Variants in NUB1 observed in about 807,000 individuals in gnomAD.
NUB1 encodes negative regulator of ubiquitin like proteins 1, also known as NEDD8 ultimate buster 1.
Under a neutral mutation model 77.1 loss-of-function variants are expected in NUB1, and 41 were observed. The observed-to-expected ratio is 0.53, with a 90% confidence interval of 0.41 to 0.69. The LOEUF (loss-of-function observed/expected upper bound fraction) is 0.69. Ranked by LOEUF, NUB1 falls within the 30% of genes least tolerant of loss-of-function variation. The pLI is 0.00. For synonymous variants in NUB1, 257 were observed against 281.0 expected, an observed-to-expected ratio of 0.91 and a Z score of 0.85; for missense variants, 643 against 743.8, an observed-to-expected ratio of 0.86 and a Z score of 1.58.
intron 11 of NUB1, 26 bp downstream of exon 11, chr7:151,368,913 C>T: frequency 6.3e-7 from 1 of 1,582,958 alleles, no homozygotes; most frequent in Non-Finnish European, 8.6e-7. Context: ...TGCCCTAGCT[C>T]TCTTGGGTAT....
chr7:151,357,519 T>C (rs1313067090), intron 7 of NUB1, among the ~76,000 whole-genome samples: 1 of 152,226 alleles, frequency 6.6e-6, no homozygotes, highest in East Asian at 1.9e-4. Flanking sequence ...TGACTATGGG[T>C]CAAATTAATT....
chr7:151,347,671 G>A (rs114624838), intron 2 of NUB1, among the ~76,000 whole-genome samples: 2,425 of 152,278 alleles, frequency 0.016, 79 homozygotes, highest in African/African-American at 0.056. Flanking sequence ...TGTTGCCCAG[G>A]TTGGTCTTGA....
chr7:151,363,776 A>T (rs1797499986), intron 8 of NUB1, among the ~76,000 whole-genome samples: 1 of 151,948 alleles, frequency 6.6e-6, no homozygotes, highest in Non-Finnish European at 1.5e-5. Flanking sequence ...AGTTTGGCTT[A>T]TTTTTTTATT....
At chr7:151,369,088 A>G (rs1321870278) in intron 11 of NUB1, 1 of 458,216 alleles carries the variant, frequency 2.2e-6, no homozygotes, top group Non-Finnish European at 3.7e-6. Context: ...GCTCACTGCA[A>G]GCTCCGCCTC....
At chr7:151,345,953 A>G (rs1489082308) in intron 2 of NUB1, among the ~76,000 whole-genome samples, 1 of 152,206 alleles carries the variant, frequency 6.6e-6, no homozygotes, top group East Asian at 1.9e-4. Context: ...TGGCATCATC[A>G]GAAATGATAT....
chr7:151,353,729 C>T (rs904624982), intron 5 of NUB1, among the ~76,000 whole-genome samples: 6 of 152,204 alleles, frequency 3.9e-5, no homozygotes, highest in African/African-American at 1.4e-4. Flanking sequence ...GACCAGTTAG[C>T]TACTGCAGCC....
intron 5 of NUB1, among the ~76,000 whole-genome samples, chr7:151,353,438 G>A (rs1796911046): frequency 6.6e-6 from 1 of 152,188 alleles, no homozygotes; most frequent in Non-Finnish European, 1.5e-5. Context: ...GGTGACGGGG[G>A]AGGTTGTGCT....
intron 14 of NUB1, 79 bp from the exon 15 acceptor site, chr7:151,376,968 C>T: frequency 7.0e-7 from 1 of 1,424,744 alleles, no homozygotes; most frequent in African/African-American, 1.4e-5. Context: ...GAGGCACAGT[C>T]TGAGGTTGAC....
At chr7:151,361,864 CA>C (rs1797396287) in intron 8 of NUB1, among the ~76,000 whole-genome samples, 2 of 152,134 alleles carry the variant, frequency 1.3e-5, no homozygotes, top group South Asian at 4.1e-4. Flanking sequence ...CTTCTGCAAA[CA>C]GTGTAGGGTA....
chr7:151,356,163 T>G lies in NUB1; in HGVS notation c.634T>G (p.Tyr212Asp). ...AGTGGTGGATCCAGAAATGACACCG[T>G]ACTTAGACATAGCTAACCAGACAGG... ...ETVVDPEMTP[Y>D]LDIANQTGRS... The change falls in exon 7 of 15, where the codon TAC (tyrosine) becomes GAC (aspartate). Residue 212 changes from tyrosine (Y) to aspartate (D), a missense_variant. Coordinates refer to ENST00000568733, the MANE Select transcript of NUB1 (RefSeq NM_001243351.2). 6.2e-7 allele frequency: 1 copy of G among 1,613,932 alleles called. No individual in the cohort carries two copies. Among genetic ancestry groups the G allele is most frequent in the South Asian group, 1.1e-5 (1 of 91,076 alleles).
At position 151,377,433 on chromosome 7, in the gene NUB1, C is replaced by T. The variant is rs904395659; in HGVS notation, c.*208C>T. On this transcript the variant is annotated 3_prime_UTR_variant, in exon 15 of 15. Coordinates refer to ENST00000568733, the MANE Select transcript of NUB1 (RefSeq NM_001243351.2). Reference sequence around the variant, plus strand: ...AAGCTTCCTCTGGCCTGGCGCAGGCCGTTCCATCTGCCTCCCAGGTCTGCG... The same window carrying T: ...AAGCTTCCTCTGGCCTGGCGCAGGCTGTTCCATCTGCCTCCCAGGTCTGCG... The T allele has an allele frequency of 3.1e-5, 13 of 417,524 alleles. No homozygotes were observed. The highest frequency in any genetic ancestry group is 4.3e-5 in the Non-Finnish European group (10 of 234,554). 25.9% of individuals were successfully genotyped at this position (417,524 alleles called of 1,614,324 possible).
intron 5 of NUB1, among the ~76,000 whole-genome samples, chr7:151,353,924 C>T (rs1376295925): frequency 6.6e-6 from 1 of 152,170 alleles, no homozygotes; most frequent in Non-Finnish European, 1.5e-5. Flanking sequence ...TTCACTGTTG[C>T]CTCATCCCTC....
At chr7:151,369,473 A>G (rs546427707) in intron 11 of NUB1, among the ~76,000 whole-genome samples, 1 of 152,320 alleles carries the variant, frequency 6.6e-6, no homozygotes, top group South Asian at 2.1e-4. Flanking sequence ...GGTCATTATT[A>G]AAGTTGGGGA....
intron 2 of NUB1, among the ~76,000 whole-genome samples, chr7:151,347,259 G>A (rs904720609): frequency 3.0e-4 from 45 of 151,990 alleles, no homozygotes; most frequent in Non-Finnish European, 1.5e-5. Flanking sequence ...ATGTATTGCT[G>A]GACACAGTGG....
chr7:151,352,221 A>C (rs1208195838), intron 4 of NUB1: 6 of 455,318 alleles, frequency 1.3e-5, no homozygotes, highest in Non-Finnish European at 2.7e-5. Context: ...CCGGATGTGC[A>C]ACTAGGGCTT....
At chr7:151,344,282 T>C (rs1297960489) in intron 1 of NUB1, among the ~76,000 whole-genome samples, 2 of 150,684 alleles carry the variant, frequency 1.3e-5, no homozygotes, top group Non-Finnish European at 2.9e-5. Context: ...TCTTTTTAAT[T>C]TAAAAAATTC....
chr7:151,367,151 T>C, intron 9 of NUB1, 26 bp downstream of exon 9: 1 of 1,562,380 alleles, frequency 6.4e-7, no homozygotes, highest in South Asian at 1.1e-5. Flanking sequence ...TCATCTTATG[T>C]CTCGTTGAGT....
chr7:151,366,375 G>C (rs1797683194), intron 8 of NUB1, among the ~76,000 whole-genome samples: 1 of 152,132 alleles, frequency 6.6e-6, no homozygotes, highest in South Asian at 2.1e-4. Context: ...ATAGTACGTA[G>C]GGATTTTTTT....
In NUB1 at chr7:151,377,065, C is replaced by T. The variant is rs1563034449; in HGVS notation, c.1688C>T (p.Thr563Ile). 1 of 1,561,276 alleles carries T rather than the reference C, an allele frequency of 6.4e-7. No homozygotes were observed. Among genetic ancestry groups the T allele is most frequent in the East Asian group, 2.3e-5 (1 of 43,314 alleles). ...SDSAGTSSAS[T>I]DEDMETEAVN... The stretch of plus-strand genomic sequence containing the variant: ...ATTGTAGGAACCTCTAGTGCCTCAA[C>T]AGACGAAGACATGGAGACAGAGGCC... Residue 563 changes from threonine to isoleucine, a missense_variant, in exon 15 of 15, where the codon ACA (threonine) becomes ATA (isoleucine). Thr to Ile is a moderately conservative substitution (Grantham distance 89, BLOSUM62 -1). Coordinates refer to ENST00000568733, the MANE Select transcript of NUB1 (RefSeq NM_001243351.2).
Sources: gnomAD v4.1 joint callset for allele counts (sites outside exome capture counted in the v4.1 genomes callset) on GRCh38, gnomAD v4.1.1 for gene constraint, MANE v1.5 for transcripts, NCBI Gene and HGNC (gene_info 2026-07-23, HGNC 2026-07-21) for gene names.